Variants in HMX1 observed in about 807,000 individuals in gnomAD.
HMX1 encodes the protein homeobox protein HMX1.
In HMX1, 8 loss-of-function variants were observed where a neutral mutation model predicts 8.9. The ratio of observed to expected loss-of-function variants is 0.90; its 90% CI spans 0.53 to 1.63. The LOEUF (loss-of-function observed/expected upper bound fraction) is 1.63. Among genes scored for constraint, HMX1 ranks in the 40% most tolerant of loss-of-function variants. HMX1 has a pLI of 0.00. For missense variants in HMX1, 621 were observed against 558.5 expected (o/e 1.11, Z -1.13); for synonymous variants, 311 against 283.4 (o/e 1.10, Z -0.98).
At position 8,847,793 on chromosome 4, in the gene HMX1, G is replaced by C. The variant is rs1466448764; in HGVS notation, c.395-1469C>G. ...CTCTGTAATTGCTTTCTGGACACAA[G>C]AATAAAGAAACAGGATTCAGAAACA... On this transcript the variant is annotated intron_variant, in intron 1 of 1. Transcript: ENST00000506970. The surrounding 1 kb of genome is among the most constrained non-coding windows in gnomAD (Gnocchi z 6.0). Among the ~76,000 whole-genome samples the C allele has an allele frequency of 1.3e-5, 2 of 152,192 alleles. No individual in the cohort carries two copies. Among genetic ancestry groups the C allele is most frequent in the Admixed American group, 1.3e-4 (2 of 15,288 alleles).
chr4:8,846,405 C>A, intron 1 of HMX1: 1 of 1,136,738 alleles, frequency 8.8e-7, no homozygotes, highest in Non-Finnish European at 1.2e-6. Flanking sequence ...GCTCCACTGC[C>A]AGCCACATGG....
downstream of HMX1, among the ~76,000 whole-genome samples, chr4:8,864,473 A>T (rs976145087): frequency 6.6e-6 from 1 of 152,156 alleles, no homozygotes; most frequent in African/African-American, 2.4e-5. Context: ...GTGGAGGCAG[A>T]TCGAAGCCAT....
At chr4:8,850,499 C>A (rs569521449) in intron 1 of HMX1, among the ~76,000 whole-genome samples, 8 of 152,298 alleles carry the variant, frequency 5.3e-5, no homozygotes, top group African/African-American at 1.9e-4. Context: ...GCAGACTGCG[C>A]CCTCCTCCAG....
chr4:8,846,368 T>C (rs1278527823), intron 1 of HMX1: 65 of 1,423,310 alleles, frequency 4.6e-5, no homozygotes, highest in Non-Finnish European at 6.2e-5. Context: ...TAGTCATGTC[T>C]GCACAAGGTG....
chr4:8,858,074 C>G (rs963949654), intron 1 of HMX1, among the ~76,000 whole-genome samples: 8 of 152,026 alleles, frequency 5.3e-5, no homozygotes, highest in Non-Finnish European at 1.2e-4. Flanking sequence ...AATGCCGGGC[C>G]TCGGGGACCG....
At chr4:8,846,208 C>G in exon 2 of HMX1, 1 of 1,476,408 alleles carries the variant, frequency 6.8e-7, no homozygotes, top group South Asian at 1.2e-5. Context: ...CCAGTCCCTG[C>G]GGCCTCCTCC....
In HMX1 at chr4:8,855,843, A is replaced by G. The variant is rs540428566; in HGVS notation, c.395-9519T>C. Among the ~76,000 whole-genome samples, 265 of 152,224 alleles carry G rather than the reference A, an allele frequency of 1.7e-3. 1 individual carries two copies. The highest frequency in any genetic ancestry group is 5.8e-3 in the African/African-American group (243 of 41,550). ...CCTGCTGACCTGCAGAAGCCTCTGG[A>G]CTTGCTCTCTGAAAGCAGGATCCAG... On this transcript the variant is annotated intron_variant, in intron 1 of 1. Coordinates refer to the HMX1 transcript ENST00000506970.
downstream of HMX1, among the ~76,000 whole-genome samples, chr4:8,866,530 G>T (rs920550726): frequency 1.3e-5 from 2 of 152,210 alleles, no homozygotes; most frequent in African/African-American, 2.4e-5. Context: ...CATCATCACC[G>T]GCCGTGAACA....
chr4:8,869,511 CATTTGCACGCTCATG>C (rs1335493661), intron 1 of HMX1, among the ~76,000 whole-genome samples: 1 of 152,244 alleles, frequency 6.6e-6, no homozygotes, highest in Admixed American at 6.5e-5. Flanking sequence ...GTATTTGCAG[CATTTGCACGCTCATG>C]CAAGGGGTGC....
chr4:8,846,142 G>A (rs1005942516), exon 2 of HMX1: 6 of 846,300 alleles, frequency 7.1e-6, no homozygotes, highest in South Asian at 1.6e-5. Context: ...ACTGCTCCAC[G>A]CGGTCACTCG....
In HMX1 at chr4:8,867,229, C is replaced by A. The variant is rs1294153951; in HGVS notation, c.*464G>T. ...CCCGCGAGAGGGGTAGCACAGCCCT[C>A]CGGGCCGGCCTGCTGTCTGGGTCCC... On this transcript the variant is annotated 3_prime_UTR_variant, in exon 2 of 2. Coordinates refer to ENST00000400677, the MANE Select transcript of HMX1 (RefSeq NM_018942.3). 1 of 985,956 alleles carries A rather than the reference C, an allele frequency of 1.0e-6. No homozygotes were observed. The highest frequency in any genetic ancestry group is 1.1e-4 in the East Asian group (1 of 8,830). 61.1% of individuals were successfully genotyped at this position (985,956 alleles called of 1,614,324 possible).
In HMX1 at chr4:8,867,730, A is replaced by T; in HGVS notation, c.1010T>A (p.Val337Glu). Reference sequence around the variant, plus strand: ...AGGCATCTGCGCCCGCAGAAAGGGCACGGAGGCGGCGGCCGGGAAGGCGGC... The same window carrying T: ...AGGCATCTGCGCCCGCAGAAAGGGCTCGGAGGCGGCGGCCGGGAAGGCGGC... Reference protein sequence around the residue: ...PLAAFPAAASVPFLRAQMPGL... With the variant: ...PLAAFPAAASEPFLRAQMPGL... The change falls in exon 2 of 2, where the codon GTG (valine) becomes GAG (glutamate). Residue 337 changes from valine to glutamate, a missense_variant. By Grantham distance (121) the Val-to-Glu change is moderately radical. Transcript: ENST00000400677. 1 of 1,288,552 alleles carries T rather than the reference A, an allele frequency of 7.8e-7. No homozygotes were observed. Among genetic ancestry groups the T allele is most frequent in the East Asian group, 3.1e-5 (1 of 32,188 alleles). 79.8% of individuals were successfully genotyped at this position (1,288,552 alleles called of 1,614,324 possible).
chr4:8,867,411 G>GC lies in HMX1; in HGVS notation c.*281_*282insG. On this transcript the variant is annotated 3_prime_UTR_variant, in exon 2 of 2. Coordinates refer to ENST00000400677, the MANE Select transcript of HMX1 (RefSeq NM_018942.3). Reference sequence around the variant, plus strand: ...GACCGCTCCTCGCTGAGGCCGGGGGGTGGCCGTGGCGCCGGGGGCTGCGCA... The same window carrying GC: ...GACCGCTCCTCGCTGAGGCCGGGGGGCTGGCCGTGGCGCCGGGGGCTGCGCA... The GC allele has an allele frequency of 9.2e-7, 1 of 1,082,778 alleles. No individual in the cohort carries two copies. Among genetic ancestry groups the GC allele is most frequent in the Non-Finnish European group, 1.1e-6 (1 of 893,738 alleles). The allele number at this position is 1,082,778 out of a possible 1,614,324, so 67.1% of individuals were successfully genotyped here. A position where few individuals can be genotyped will look rare whatever the true frequency, so the allele number is the denominator to read the frequency against.
chr4:8,867,213 G>A lies in HMX1; in HGVS notation c.*480C>T, dbSNP rs1722026358. ...CCTTTCTCCACCAGCACCCGCGAGA[G>A]GGGTAGCACAGCCCTCCGGGCCGGC... On this transcript the variant is annotated 3_prime_UTR_variant, in exon 2 of 2. Coordinates refer to ENST00000400677, the MANE Select transcript of HMX1 (RefSeq NM_018942.3). 1.0e-6 allele frequency: 1 copy of A among 985,812 alleles called. No homozygotes were observed. The highest frequency in any genetic ancestry group is 1.7e-5 in the African/African-American group (1 of 57,406). 61.1% of individuals were successfully genotyped at this position (985,812 alleles called of 1,614,324 possible).
rs1364508176 is a variant in HMX1 at position 8,847,197 on chromosome 4, GGA to G, written c.395-875_395-874del. Among the ~76,000 whole-genome samples the G allele has an allele frequency of 6.6e-6, 1 of 152,168 alleles. No homozygotes were observed. The highest frequency in any genetic ancestry group is 1.5e-5 in the Non-Finnish European group (1 of 68,030). Reference sequence around the variant, plus strand: ...GGATGCCTGTAATCCCAGCTACTTGGGAGGCTGAGTGGGGAGGGTTGAGCCCA... The same window carrying G: ...GGATGCCTGTAATCCCAGCTACTTGGGGCTGAGTGGGGAGGGTTGAGCCCA... On this transcript the variant is annotated intron_variant, in intron 1 of 1. Coordinates refer to the HMX1 transcript ENST00000506970. This position sits in a 1 kb window ranked among gnomAD's most constrained non-coding sequence, Gnocchi z 6.0.
In HMX1 at chr4:8,848,347, A is replaced by G. The variant is rs1721337377; in HGVS notation, c.395-2023T>C. Among the ~76,000 whole-genome samples, 1 of 152,246 alleles carries G rather than the reference A, an allele frequency of 6.6e-6. No homozygotes were observed. The highest frequency in any genetic ancestry group is 2.4e-5 in the African/African-American group (1 of 41,468). ...CTTTAATGTAGCTACTAGAAAATTT[A>G]TATCACATATGTGGTTCACAGTCAT... On this transcript the variant is annotated intron_variant, in intron 1 of 1. Coordinates refer to the HMX1 transcript ENST00000506970. This position sits in a 1 kb window ranked among gnomAD's most constrained non-coding sequence, Gnocchi z 4.1.
intron 1 of HMX1, among the ~76,000 whole-genome samples, chr4:8,850,330 C>G (rs1721406444): frequency 6.6e-6 from 1 of 152,178 alleles, no homozygotes; most frequent in Non-Finnish European, 1.5e-5. Context: ...GTGGTCAGCT[C>G]TGCCCCGACC....
At chr4:8,864,407 G>C (rs1348731947), downstream of HMX1, among the ~76,000 whole-genome samples, 1 of 152,216 alleles carries the variant, frequency 6.6e-6, no homozygotes, top group Non-Finnish European at 1.5e-5. Context: ...CTCAGGTGCG[G>C]AGAGGGTGAG....
chr4:8,869,437 C>CA (rs1022691351), intron 1 of HMX1, among the ~76,000 whole-genome samples: 10 of 152,238 alleles, frequency 6.6e-5, no homozygotes, highest in African/African-American at 2.2e-4. Flanking sequence ...GAGGTGGAGG[C>CA]AGAGTTTGGC....
Sources: gnomAD v4.1 joint callset for allele counts (sites outside exome capture counted in the v4.1 genomes callset) on GRCh38, gnomAD v4.1.1 for gene constraint, Gnocchi (gnomAD v3.1) non-coding constraint, MANE v1.5 for transcripts, NCBI Gene and HGNC (gene_info 2026-07-23, HGNC 2026-07-21) for gene names.